MYT1L: variants seen among roughly 807,000 people sequenced by gnomAD.
The protein encoded by MYT1L is myelin transcription factor 1-like protein.
MYT1L carries 12 observed loss-of-function variants against 126.7 expected under a neutral mutation model. The ratio of observed to expected loss-of-function variants is 0.09; its 90% CI spans 0.06 to 0.15. The LOEUF (loss-of-function observed/expected upper bound fraction) is 0.15, where lower values mean the gene tolerates loss of function less well. Among genes scored for constraint, MYT1L ranks in the 10% least tolerant of loss-of-function variants. MYT1L has a pLI of 1.00. For missense variants in MYT1L, 979 were observed against 1,585.2 expected (o/e 0.62, Z 6.49); for synonymous variants, 541 against 604.2 (o/e 0.90, Z 1.53).
intron 2 of MYT1L, among the ~76,000 whole-genome samples, chr2:2,240,076 T>G (rs1971047): frequency 0.41 from 62,037 of 151,586 alleles, 12,933 homozygotes; most frequent in East Asian, 0.61. Context: ...GGTGGGCAGA[T>G]CACCTGAGGT....
At chr2:1,809,705 C>T (rs1473299623) in intron 21 of MYT1L, 1 of 152,822 alleles carries the variant, frequency 6.5e-6, no homozygotes, top group Non-Finnish European at 1.5e-5. Flanking sequence ...TAACTGCAAT[C>T]TCCTTATCTC....
At chr2:1,907,332 G>A (rs145420396) in intron 13 of MYT1L, among the ~76,000 whole-genome samples, 1 of 152,242 alleles carries the variant, frequency 6.6e-6, no homozygotes, top group East Asian at 1.9e-4. Flanking sequence ...AGGGGGCGGT[G>A]TGGTAAGAAA....
At chr2:2,237,693 T>C (rs1158923534) in intron 2 of MYT1L, among the ~76,000 whole-genome samples, 1 of 152,122 alleles carries the variant, frequency 6.6e-6, no homozygotes. Flanking sequence ...ATAAACCACT[T>C]AAGTCCCTAA....
At chr2:2,054,910 A>C (rs1053080182) in intron 3 of MYT1L, among the ~76,000 whole-genome samples, 5 of 151,904 alleles carry the variant, frequency 3.3e-5, no homozygotes, top group African/African-American at 1.2e-4. Context: ...AGATGCATGG[A>C]GATTATGAAC....
chr2:1,876,160 G>C (rs2046880413), intron 18 of MYT1L, among the ~76,000 whole-genome samples: 1 of 152,146 alleles, frequency 6.6e-6, no homozygotes, highest in Non-Finnish European at 1.5e-5. Flanking sequence ...AGCACATTTG[G>C]AGAAGAAATC....
intron 3 of MYT1L, among the ~76,000 whole-genome samples, chr2:2,137,320 A>G (rs2083208481): frequency 6.6e-6 from 1 of 152,216 alleles, no homozygotes; most frequent in Admixed American, 6.5e-5. Context: ...GACTTTCTTC[A>G]CAGAATTGGA....
rs770376175 is a variant in MYT1L at position 1,970,541 on chromosome 2, G to A, written c.152+8624C>T. ...GGAGCTCATGGTGTCCATGAGAGGG[G>A]CATCCCGTGGTCGGCAGAGGCTCCA... On this transcript the variant is annotated intron_variant, in intron 8 of 24. Transcript: ENST00000647738. Among the ~76,000 whole-genome samples the A allele has an allele frequency of 1.1e-3, 169 of 152,226 alleles. 1 individual carries two copies. Among genetic ancestry groups the A allele is most frequent in the Non-Finnish European group, 2.0e-3 (135 of 68,042 alleles).
chr2:2,269,307 G>A (rs1360718881), intron 2 of MYT1L, among the ~76,000 whole-genome samples: 2 of 152,136 alleles, frequency 1.3e-5, no homozygotes, highest in African/African-American at 2.4e-5. Context: ...CAGGCTGTGC[G>A]CTTCTCTGGA....
chr2:1,820,247 A>C (rs1299343487), intron 21 of MYT1L, among the ~76,000 whole-genome samples: 2 of 152,084 alleles, frequency 1.3e-5, no homozygotes, highest in Non-Finnish European at 2.9e-5. Flanking sequence ...TTTTCCTAAG[A>C]GTTTTGAAGG....
intron 3 of MYT1L, among the ~76,000 whole-genome samples, chr2:2,106,557 G>T (rs970128399): frequency 1.3e-5 from 2 of 152,198 alleles, no homozygotes; most frequent in Non-Finnish European, 2.9e-5. Context: ...GGCGGAGGTT[G>T]CAGTGAGCTG....
chr2:2,237,768 G>T (rs1328352580), intron 2 of MYT1L, among the ~76,000 whole-genome samples: 1 of 152,144 alleles, frequency 6.6e-6, no homozygotes, highest in African/African-American at 2.4e-5. Flanking sequence ...ATTGCTCAGG[G>T]TCACGTGGGC....
chr2:2,281,911 G>T (rs894170057), intron 2 of MYT1L, among the ~76,000 whole-genome samples: 10 of 152,148 alleles, frequency 6.6e-5, no homozygotes, highest in African/African-American at 9.7e-5. Context: ...CAATAAAAAG[G>T]CTACTTTTTA....
chr2:2,159,266 T>C (rs1242552603), intron 3 of MYT1L, among the ~76,000 whole-genome samples: 1 of 152,150 alleles, frequency 6.6e-6, no homozygotes, highest in Non-Finnish European at 1.5e-5. Context: ...CACATGGGAA[T>C]CGCTAACTTG....
At chr2:2,313,862 G>A (rs188417114) in intron 1 of MYT1L, among the ~76,000 whole-genome samples, 19 of 152,172 alleles carry the variant, frequency 1.2e-4, no homozygotes, top group African/African-American at 3.4e-4. Context: ...CGATACATAC[G>A]TTTATAAATA....
In MYT1L at chr2:2,239,613, G is replaced by A. The variant is rs566547814; in HGVS notation, c.-421+44791C>T. On this transcript the variant is annotated intron_variant, in intron 2 of 24. Coordinates refer to ENST00000647738, the MANE Select transcript of MYT1L (RefSeq NM_001303052.2). Reference sequence around the variant, plus strand: ...GGGATAGGCTCTGTGATGCCATGCCGTCAACCTAAGACTGGCTTGATTATA... The same window carrying A: ...GGGATAGGCTCTGTGATGCCATGCCATCAACCTAAGACTGGCTTGATTATA... 7.7e-4 allele frequency among the ~76,000 whole-genome samples: 118 copies of A among 152,298 alleles called. 1 individual carries two copies. Among genetic ancestry groups the A allele is most frequent in the African/African-American group, 2.6e-3 (106 of 41,554 alleles).
intron 3 of MYT1L, among the ~76,000 whole-genome samples, chr2:2,122,872 T>TGTGTGTGTGTGTGAGAGAGAGAGA (rs553951630): frequency 2.3e-5 from 3 of 132,992 alleles, no homozygotes; most frequent in African/African-American, 8.9e-5. Context: ...TGTGTGTGTG[T>TGTGTGTGTGTGTGAGAGAGAGAGA]GAGAGAGAGA....
chr2:2,218,051 A>G (rs2093744735), intron 2 of MYT1L, among the ~76,000 whole-genome samples: 1 of 152,220 alleles, frequency 6.6e-6, no homozygotes, highest in African/African-American at 2.4e-5. Context: ...TGCTAATAAT[A>G]AAAAGACCAA....
chr2:2,205,158 C>A (rs1377588269), intron 2 of MYT1L, among the ~76,000 whole-genome samples: 1 of 149,626 alleles, frequency 6.7e-6, no homozygotes, highest in Non-Finnish European at 1.5e-5. Flanking sequence ...AGGAGATATA[C>A]CTAATGCTAA....
rs371161704 is a variant in MYT1L at position 1,889,487 on chromosome 2, G to T, written c.2284-10C>A. 1.3e-6 allele frequency: 2 copies of T among 1,583,718 alleles called. No individual in the cohort carries two copies. The highest frequency in any genetic ancestry group is 2.2e-5 in the East Asian group (1 of 44,490). On this transcript the variant is annotated splice_polypyrimidine_tract_variant and intron_variant, in intron 15 of 24. Transcript: ENST00000647738. The surrounding 1 kb of genome is among the most constrained non-coding windows in gnomAD (Gnocchi z 4.1). Reference sequence around the variant, plus strand: ...CCTCCATGTCAGGGTTCTGTCGGTAGAAAGACATAGTGACTGTGCTTGGCC... The same window carrying T: ...CCTCCATGTCAGGGTTCTGTCGGTATAAAGACATAGTGACTGTGCTTGGCC...
Sources: allele counts gnomAD v4.1 joint callset (sites outside exome capture counted in the v4.1 genomes callset), GRCh38; gene constraint gnomAD v4.1.1; non-coding constraint Gnocchi (gnomAD v3.1); transcripts MANE v1.5; gene names NCBI Gene and HGNC (gene_info 2026-07-23, HGNC 2026-07-21).